Variants in RABGEF1 observed in about 807,000 individuals in gnomAD.
RABGEF1 encodes the protein rab5 GDP/GTP exchange factor.
Under a neutral mutation model 57.3 loss-of-function variants are expected in RABGEF1, and 26 were observed. The ratio of observed to expected loss-of-function variants is 0.45; its 90% CI spans 0.33 to 0.63. The LOEUF is 0.63. RABGEF1 is among the 20% of genes least tolerant of loss of function. The pLI, the probability that RABGEF1 is intolerant of heterozygous loss-of-function variation, is 0.02. For synonymous variants in RABGEF1, 185 were observed against 210.7 expected (o/e 0.88, Z 1.06); for missense variants, 464 against 607.6 (o/e 0.76, Z 2.48).
intron 1 of RABGEF1, among the ~76,000 whole-genome samples, chr7:66,703,874 AT>A (rs1793641812): frequency 6.6e-6 from 1 of 152,230 alleles, no homozygotes; most frequent in Non-Finnish European, 1.5e-5. Flanking sequence ...TCTGTAGATC[AT>A]TTTGATGGGT....
the RABGEF1 span, among the ~76,000 whole-genome samples, chr7:66,656,559 T>C: frequency 6.6e-6 from 1 of 152,136 alleles, no homozygotes; most frequent in Admixed American, 6.5e-5. Flanking sequence ...TGGTGGCTCA[T>C]GCCTGTAATC....
At chr7:66,743,667 A>C (rs1234380357) in intron 1 of RABGEF1, among the ~76,000 whole-genome samples, 2 of 152,010 alleles carry the variant, frequency 1.3e-5, no homozygotes, top group Admixed American at 1.3e-4. Context: ...ATGCCTGGCT[A>C]ATTTTTTCTA....
At chr7:66,655,985 G>T in the RABGEF1 span, among the ~76,000 whole-genome samples, 1,251 of 152,336 alleles carry the variant, frequency 8.2e-3, 15 homozygotes, top group African/African-American at 0.028. Flanking sequence ...AGGCCGTGCT[G>T]TCGGGCGTGG....
chr7:66,662,365 G>T, the RABGEF1 span, among the ~76,000 whole-genome samples: 3 of 152,214 alleles, frequency 2.0e-5, no homozygotes, highest in African/African-American at 7.2e-5. Context: ...TACTTGGGAG[G>T]CTGAGGTGAA....
chr7:66,753,886 T>G (rs1358954042), intron 1 of RABGEF1, among the ~76,000 whole-genome samples: 1 of 151,420 alleles, frequency 6.6e-6, no homozygotes, highest in African/African-American at 2.4e-5. Context: ...TTTGTATTTT[T>G]AGTAGAGATG....
upstream of RABGEF1, among the ~76,000 whole-genome samples, chr7:66,737,081 A>C (rs1429905746): frequency 1.5e-5 from 2 of 130,724 alleles, no homozygotes; most frequent in African/African-American, 5.5e-5. Context: ...AGTGAGAGAG[A>C]GAGAGCGAGA....
the RABGEF1 span, among the ~76,000 whole-genome samples, chr7:66,660,745 C>T: frequency 6.6e-6 from 1 of 152,224 alleles, no homozygotes. Flanking sequence ...TCAGTTCTAC[C>T]AGACATTTAA....
intron 1 of RABGEF1, chr7:66,756,194 C>A: frequency 1.7e-6 from 1 of 596,994 alleles, no homozygotes; most frequent in Non-Finnish European, 2.7e-6. Context: ...TAATAAATAT[C>A]TCTAAAGATG....
intron 7 of RABGEF1, among the ~76,000 whole-genome samples, chr7:66,801,047 A>G (rs1486057947): frequency 6.6e-6 from 1 of 152,214 alleles, no homozygotes; most frequent in Non-Finnish European, 1.5e-5. Context: ...AGAGAACTGC[A>G]TAAAATTTTG....
At chr7:66,763,204 G>C (rs1273134396) in intron 1 of RABGEF1, among the ~76,000 whole-genome samples, 1 of 152,138 alleles carries the variant, frequency 6.6e-6, no homozygotes, top group Non-Finnish European at 1.5e-5. Context: ...TAGATTAGAG[G>C]TTCAAGCAGG....
At chr7:66,657,941 A>G in the RABGEF1 span, among the ~76,000 whole-genome samples, 1 of 152,226 alleles carries the variant, frequency 6.6e-6, no homozygotes, top group Admixed American at 6.6e-5. Context: ...AATACCAGAA[A>G]CAAAGATTAG....
At chr7:66,780,160 A>G (rs1809546091) in intron 3 of RABGEF1, among the ~76,000 whole-genome samples, 1 of 152,212 alleles carries the variant, frequency 6.6e-6, no homozygotes, top group Non-Finnish European at 1.5e-5. Context: ...TGACTGGTGT[A>G]CAGACCTCCA....
upstream of RABGEF1, among the ~76,000 whole-genome samples, chr7:66,681,825 G>C (rs544502038): frequency 7.9e-5 from 12 of 152,302 alleles, no homozygotes; most frequent in East Asian, 9.6e-4. Flanking sequence ...CCGTGGCCTC[G>C]GCTCCAGGAG....
chr7:66,718,696 A>G (rs923561080), intron 2 of RABGEF1, among the ~76,000 whole-genome samples: 2 of 152,206 alleles, frequency 1.3e-5, no homozygotes, highest in Non-Finnish European at 2.9e-5. Flanking sequence ...CTGAGTATGT[A>G]CCACGCAGTG....
In RABGEF1 at chr7:66,772,672, G is replaced by T. The variant is rs147947726; in HGVS notation, c.179+594G>T. Reference sequence around the variant, plus strand: ...GCCTGTAATCCTAGCACTTTGGGAGGGTGAGGCAGGAGGATCATCTGAGGT... The same window carrying T: ...GCCTGTAATCCTAGCACTTTGGGAGTGTGAGGCAGGAGGATCATCTGAGGT... On this transcript the variant is annotated intron_variant, in intron 2 of 8. Coordinates refer to ENST00000284957, the MANE Select transcript of RABGEF1 (RefSeq NM_014504.3). Among the ~76,000 whole-genome samples the T allele has an allele frequency of 6.9e-3, 1,044 of 152,238 alleles. 14 individuals carry two copies. The highest frequency in any genetic ancestry group is 0.024 in the African/African-American group (978 of 41,526).
intron 2 of RABGEF1, among the ~76,000 whole-genome samples, chr7:66,715,789 GC>G (rs912645065): frequency 9.9e-4 from 150 of 151,922 alleles, no homozygotes; most frequent in African/African-American, 3.3e-3. Flanking sequence ...TGTTACCTAA[GC>G]TGGAGTGCAG....
the RABGEF1 span, among the ~76,000 whole-genome samples, chr7:66,670,719 G>A: frequency 6.6e-5 from 10 of 151,880 alleles, no homozygotes; most frequent in East Asian, 7.7e-4. Context: ...GGTGGCTCGC[G>A]CCTGTAATCC....
chr7:66,766,346 T>TGCC (rs1406599623), intron 1 of RABGEF1, among the ~76,000 whole-genome samples: 3 of 152,064 alleles, frequency 2.0e-5, no homozygotes, highest in Admixed American at 2.0e-4. Context: ...GTGATGTCTC[T>TGCC]GCCACTTACT....
At chr7:66,683,315 G>A (rs7788576) in intron 1 of RABGEF1, among the ~76,000 whole-genome samples, 75,665 of 151,930 alleles carry the variant, frequency 0.5, 19,766 homozygotes, top group African/African-American at 0.65. Flanking sequence ...TGTTGTACCA[G>A]GAAACTTGCC....
Sources: gnomAD v4.1 joint callset for allele counts (sites outside exome capture counted in the v4.1 genomes callset) on GRCh38, gnomAD v4.1.1 for gene constraint, MANE v1.5 for transcripts, NCBI Gene and HGNC (gene_info 2026-07-23, HGNC 2026-07-21) for gene names.